The following VPS26C variants were observed in gnomAD, a reference collection of about 807,000 sequenced individuals.
VPS26C encodes the protein vacuolar protein sorting-associated protein 26C.
Under a neutral mutation model 30.6 loss-of-function variants are expected in VPS26C, and 19 were observed. The ratio of observed to expected loss-of-function variants is 0.62; its 90% CI spans 0.43 to 0.91. The LOEUF (loss-of-function observed/expected upper bound fraction) is 0.91, where lower values mean the gene tolerates loss of function less well. Ranked by LOEUF, VPS26C falls within the 40% of genes least tolerant of loss-of-function variation. The pLI is 0.00. For synonymous variants in VPS26C, 132 were observed against 151.5 expected (o/e 0.87, Z 0.95); for missense variants, 318 against 385.1 (o/e 0.83, Z 1.46).
At chr21:37,246,513 CAA>C (rs2086139161) in intron 1 of VPS26C, among the ~76,000 whole-genome samples, 1 of 151,660 alleles carries the variant, frequency 6.6e-6, no homozygotes. Context: ...TATAGCTATC[CAA>C]GAGATGGCTA....
chr21:37,265,796 G>A (rs960852544), intron 1 of VPS26C, among the ~76,000 whole-genome samples: 1 of 152,034 alleles, frequency 6.6e-6, no homozygotes, highest in African/African-American at 2.4e-5. Flanking sequence ...TCATGCCAAG[G>A]GGTACCGAAT....
chr21:37,256,481 T>G (rs185705835), intron 1 of VPS26C, among the ~76,000 whole-genome samples: 1 of 152,378 alleles, frequency 6.6e-6, no homozygotes, highest in East Asian at 1.9e-4. Context: ...TAAAAGGGTT[T>G]CATTGCTTTT....
intron 5 of VPS26C, chr21:37,228,826 G>C (rs1016615292): frequency 1.3e-5 from 2 of 158,112 alleles, no homozygotes; most frequent in African/African-American, 4.8e-5. Context: ...GAGGCCAGGA[G>C]TTCAAGAACA....
At chr21:37,232,247 G>T in intron 5 of VPS26C, 130 bp downstream of exon 5, 1 of 740,360 alleles carries the variant, frequency 1.4e-6, no homozygotes, top group Non-Finnish European at 2.3e-6. Context: ...TGAGTAATTT[G>T]GGTACAATCA....
At chr21:37,249,154 G>A (rs1352369418) in intron 1 of VPS26C, among the ~76,000 whole-genome samples, 1 of 152,144 alleles carries the variant, frequency 6.6e-6, no homozygotes, top group African/African-American at 2.4e-5. Flanking sequence ...ATCCATTTAA[G>A]TCAGGAATAA....
intron 1 of VPS26C, among the ~76,000 whole-genome samples, chr21:37,249,276 T>C (rs1273240122): frequency 1.3e-5 from 2 of 152,168 alleles, no homozygotes; most frequent in Non-Finnish European, 2.9e-5. Context: ...TGATCACTAC[T>C]TGCACAATGA....
chr21:37,240,372 G>A (rs548730499), intron 2 of VPS26C, 124 bp downstream of exon 2: 24 of 1,063,746 alleles, frequency 2.3e-5, no homozygotes, highest in South Asian at 1.2e-4. Flanking sequence ...CGATCCTCCC[G>A]CCTTGGCCTC....
At chr21:37,231,457 G>A (rs1308083063) in intron 5 of VPS26C, 4 of 152,264 alleles carry the variant, frequency 2.6e-5, no homozygotes, top group African/African-American at 4.8e-5. Context: ...AGGGAGACGT[G>A]CAGAACAGAC....
At chr21:37,232,343 T>G (rs1276919584) in intron 5 of VPS26C, 34 bp downstream of exon 5, 8 of 1,596,804 alleles carry the variant, frequency 5.0e-6, no homozygotes, top group Middle Eastern at 1.7e-4. Flanking sequence ...GCTGGGAAGA[T>G]ACCCACGGCA....
intron 5 of VPS26C, chr21:37,229,059 A>G (rs915486398): frequency 6.6e-6 from 1 of 152,082 alleles, no homozygotes; most frequent in Non-Finnish European, 1.5e-5. Context: ...CAATTGTACA[A>G]TTTTTAAAAC....
At chr21:37,240,884 C>T (rs557864051) in intron 1 of VPS26C, among the ~76,000 whole-genome samples, 181 of 152,270 alleles carry the variant, frequency 1.2e-3, no homozygotes, top group African/African-American at 4.2e-3. Context: ...GAAACCTCGT[C>T]CCGTCACTGC....
rs1305374981 is a variant in VPS26C at position 37,225,645 on chromosome 21, G to A, written c.812-19C>T. ...TCAAATTCTGAGAAGAGAAGAGAGG[G>A]TGGGTTTGTGCTCACTGTTACCAAG... On this transcript the variant is annotated intron_variant, in intron 7 of 7. Coordinates refer to ENST00000309117, the MANE Select transcript of VPS26C (RefSeq NM_006052.2). 1 of 1,604,444 alleles carries A rather than the reference G, an allele frequency of 6.2e-7. No homozygotes were observed. The highest frequency in any genetic ancestry group is 8.5e-7 in the Non-Finnish European group (1 of 1,171,522).
At chr21:37,264,925 A>G (rs894842184) in intron 1 of VPS26C, among the ~76,000 whole-genome samples, 1 of 152,236 alleles carries the variant, frequency 6.6e-6, no homozygotes, top group Non-Finnish European at 1.5e-5. Context: ...AATATGATCT[A>G]TCCATACAAT....
intron 1 of VPS26C, among the ~76,000 whole-genome samples, chr21:37,266,592 C>T (rs983371720): frequency 1.6e-4 from 24 of 152,074 alleles, no homozygotes; most frequent in African/African-American, 5.8e-4. Flanking sequence ...ACACTGAGGC[C>T]CAAGGAGGTT....
At chr21:37,238,766 C>T (rs1385958336) in intron 2 of VPS26C, among the ~76,000 whole-genome samples, 157 bp from the exon 3 acceptor site, 1 of 152,212 alleles carries the variant, frequency 6.6e-6, no homozygotes, top group Non-Finnish European at 1.5e-5. Flanking sequence ...TGAACAGTGA[C>T]TTGGCTCTGC....
At position 37,232,382 on chromosome 21, in the gene VPS26C, T is replaced by C. The variant is rs1173882676; in HGVS notation, c.502A>G (p.Lys168Glu). 8 of 1,614,028 alleles carry C rather than the reference T, an allele frequency of 5.0e-6. No homozygotes were observed. The Middle Eastern group carries it at 8.3e-4, about 166-fold the overall frequency. ...GCCTGTGCAGGACGTCTTACCTCTT[T>C]GACGTTCTGTAAGGTTTCAGGTGTA... ...TITPETLQNV[K>E]ERALLPKFLL... Residue 168 changes from lysine to glutamate, a missense_variant, in exon 5 of 8, where the codon AAA becomes GAA. Coordinates refer to ENST00000309117, the MANE Select transcript of VPS26C (RefSeq NM_006052.2).
upstream of VPS26C, chr21:37,267,354 G>A (rs981693406): frequency 1.7e-5 from 25 of 1,485,292 alleles, 1 homozygote; most frequent in Admixed American, 1.7e-4. Flanking sequence ...GAAACAAGGG[G>A]CGCCTCCCCG....
chr21:37,227,770 A>G lies in VPS26C; in HGVS notation c.695T>C (p.Ile232Thr). Residue 232 changes from isoleucine to threonine, a missense_variant, in exon 7 of 8, where the codon ATT (isoleucine) becomes ACT (threonine). Transcript: ENST00000309117. Reference protein sequence around the residue: ...AEGYARDATEIQNIQIADGDV... With the variant: ...AEGYARDATETQNIQIADGDV... ...CCCGTCGGCGATCTGAATGTTCTGA[A>G]TCTCCGTGGCGTCGCGGGCATAGCC... 6.2e-7 allele frequency: 1 copy of G among 1,614,058 alleles called. No individual in the cohort carries two copies. The highest frequency in any genetic ancestry group is 8.5e-7 in the Non-Finnish European group (1 of 1,180,012).
intron 5 of VPS26C, 125 bp downstream of exon 5, chr21:37,232,252 C>G (rs1281021814): frequency 1.3e-6 from 1 of 768,732 alleles, no homozygotes; most frequent in East Asian, 2.6e-5. Context: ...AATTTGGGTA[C>G]AATCAGAAAT....
Sources: allele counts gnomAD v4.1 joint callset (sites outside exome capture counted in the v4.1 genomes callset), GRCh38; gene constraint gnomAD v4.1.1; transcripts MANE v1.5; gene names NCBI Gene and HGNC (gene_info 2026-07-23, HGNC 2026-07-21).